The following STYXL2 variants were observed in gnomAD, a reference collection of about 807,000 sequenced individuals.
STYXL2 encodes the protein serine/threonine/tyrosine-interacting-like protein 2.
Under a neutral mutation model 52.4 loss-of-function variants are expected in STYXL2, and 44 were observed. That is an observed-to-expected ratio of 0.84 (90% CI 0.66 to 1.08). The LOEUF is 1.08. STYXL2 is among the 50% of genes least tolerant of loss of function. The pLI is 0.00. For missense variants in STYXL2, 1,604 were observed against 1,471.7 expected, an observed-to-expected ratio of 1.09 and a Z score of -1.47; for synonymous variants, 604 against 586.9, an observed-to-expected ratio of 1.03 and a Z score of -0.42.
In STYXL2 at chr1:167,128,559, G is replaced by C; in HGVS notation, c.3428G>C (p.Arg1143Pro). Reference sequence around the variant, plus strand: ...GAAGCCATCATTGCTGCTTGGAGACGCCGGCAAGAAGAAACCAGGACCAAG... The same window carrying C: ...GAAGCCATCATTGCTGCTTGGAGACCCCGGCAAGAAGAAACCAGGACCAAG... ...DDEAIIAAWR[R>P]RQEETRTKLQ... Residue 1143 changes from arginine (R) to proline (P), a missense_variant, in exon 6 of 6, where the codon CGC becomes CCC. By Grantham distance (103) the Arg-to-Pro change is moderately radical. Coordinates refer to ENST00000361200, the MANE Select transcript of STYXL2 (RefSeq NM_001080426.3). 6.2e-7 allele frequency: 1 copy of C among 1,613,618 alleles called. No individual in the cohort carries two copies. Among genetic ancestry groups the C allele is most frequent in the Non-Finnish European group, 8.5e-7 (1 of 1,179,938 alleles).
At position 167,094,972 on chromosome 1, in the gene STYXL2, T is replaced by C; in HGVS notation, c.110+13T>C. The C allele has an allele frequency of 6.3e-7, 1 of 1,580,514 alleles. No homozygotes were observed. Among genetic ancestry groups the C allele is most frequent in the Non-Finnish European group, 8.6e-7 (1 of 1,160,260 alleles). ...CCTCCCCTAGCCAGTAAGTGACCAC[T>C]TATCTCCCACCCTCACAGCCCCAGC... On this transcript the variant is annotated intron_variant, in intron 2 of 5. Coordinates refer to ENST00000361200, the MANE Select transcript of STYXL2 (RefSeq NM_001080426.3).
intron 2 of STYXL2, among the ~76,000 whole-genome samples, chr1:167,100,326 C>T (rs1212050774): frequency 6.6e-6 from 1 of 152,176 alleles, no homozygotes; most frequent in Non-Finnish European, 1.5e-5. Flanking sequence ...GACCAAGCCT[C>T]AACATGAGTT....
chr1:167,121,048 G>C (rs949803900), intron 5 of STYXL2, among the ~76,000 whole-genome samples: 1 of 142,158 alleles, frequency 7.0e-6, no homozygotes, highest in African/African-American at 2.7e-5. Context: ...TCTCGCTCTT[G>C]TCGCCCAGTC....
chr1:167,126,100 C>T lies in STYXL2; in HGVS notation c.969C>T (p.His323=), dbSNP rs1410597048. Residue 323 remains histidine, a synonymous_variant, in exon 6 of 6, where the codon CAC becomes CAT. Transcript: ENST00000361200. ...TVEEEDDSAS[H]LSGSSLGKAT... The stretch of plus-strand genomic sequence containing the variant: ...AAGAGGAGGACGACAGCGCCAGCCA[C>T]CTGAGTGGCTCCTCCCTGGGGAAGG... 1.3e-6 allele frequency: 2 copies of T among 1,521,846 alleles called. No individual in the cohort carries two copies. Among genetic ancestry groups the T allele is most frequent in the Non-Finnish European group, 1.8e-6 (2 of 1,137,044 alleles). The allele number at this position is 1,521,846 out of a possible 1,614,324, so 94.3% of individuals were successfully genotyped here.
chr1:167,100,888 A>G (rs888687469), intron 2 of STYXL2, among the ~76,000 whole-genome samples: 20 of 152,226 alleles, frequency 1.3e-4, no homozygotes, highest in African/African-American at 4.8e-4. Flanking sequence ...TCTTCCCACA[A>G]TGGCCTCATA....
rs1445893924 is a variant in STYXL2 at position 167,101,806 on chromosome 1, AG to A, written c.110+6848del. Among the ~76,000 whole-genome samples, 13 of 151,684 alleles carry A rather than the reference AG, an allele frequency of 8.6e-5. 1 individual carries two copies. Among genetic ancestry groups the A allele is most frequent in the Non-Finnish European group, 1.2e-4 (8 of 67,876 alleles). ...ACAGAGTGACAGTCCATCTCAAAAAAGAAAAAAAAAAGCCTATGTCTATGCA... is the reference window on the plus strand; with the variant it reads ...ACAGAGTGACAGTCCATCTCAAAAAAAAAAAAAAAAGCCTATGTCTATGCA... On this transcript the variant is annotated intron_variant, in intron 2 of 5. Transcript: ENST00000361200.
chr1:167,126,895 C>T lies in STYXL2; in HGVS notation c.1764C>T (p.Ala588=). The change falls in exon 6 of 6, where the codon GCC becomes GCT. Residue 588 remains alanine (A), a synonymous_variant. Transcript: ENST00000361200. ...ACCCCTCCGACGTCAGCCTGACAGC[C>T]TACCAGGCCTGGAAGCTGAAACACC... is the stretch of plus-strand genomic sequence containing the variant. ...EKNPSDVSLT[A]YQAWKLKHQK... is the part of the protein sequence containing the mutation. The T allele has an allele frequency of 6.2e-7, 1 of 1,612,142 alleles. No individual in the cohort carries two copies. The highest frequency in any genetic ancestry group is 1.1e-5 in the South Asian group (1 of 90,714).
chr1:167,124,515 A>G (rs1218771729), intron 5 of STYXL2, among the ~76,000 whole-genome samples: 13 of 152,166 alleles, frequency 8.5e-5, no homozygotes, highest in Admixed American at 6.5e-4. Context: ...AGCTATTACA[A>G]TGAAGGCATA....
chr1:167,111,513 TACAC>T (rs767623370), intron 2 of STYXL2, among the ~76,000 whole-genome samples: 1,246 of 49,128 alleles, frequency 0.025, 20 homozygotes, highest in Non-Finnish European at 0.026. Context: ...TATATATATA[TACAC>T]ACACACACAC....
At chr1:167,095,994 TC>T (rs1667278639) in intron 2 of STYXL2, among the ~76,000 whole-genome samples, 1 of 152,118 alleles carries the variant, frequency 6.6e-6, no homozygotes, top group African/African-American at 2.4e-5. Flanking sequence ...TAGAGACTTC[TC>T]CTTTAAAATT....
intron 2 of STYXL2, among the ~76,000 whole-genome samples, chr1:167,109,225 G>A (rs892747632): frequency 1.3e-5 from 2 of 152,224 alleles, no homozygotes; most frequent in Non-Finnish European, 2.9e-5. Context: ...AGCCACCACA[G>A]TGGGGTAGTG....
intron 3 of STYXL2, among the ~76,000 whole-genome samples, chr1:167,114,428 G>A (rs1026579337): frequency 4.6e-5 from 7 of 152,152 alleles, no homozygotes; most frequent in Admixed American, 4.6e-4. Context: ...TCCCTGGGTA[G>A]CCTCACAACT....
chr1:167,113,603 G>A (rs576671823), intron 2 of STYXL2, 107 bp from the exon 3 acceptor site: 135 of 846,750 alleles, frequency 1.6e-4, no homozygotes, highest in Admixed American at 1.1e-3. Flanking sequence ...TTGATCACTC[G>A]TTGTTCCCCA....
intron 2 of STYXL2, among the ~76,000 whole-genome samples, chr1:167,099,354 A>G (rs547343816): frequency 1.3e-5 from 2 of 152,366 alleles, no homozygotes; most frequent in South Asian, 4.1e-4. Flanking sequence ...AATTAACCTA[A>G]TGAGCATTTA....
Position 167,129,042 on chromosome 1 carries a change from C to A in STYXL2, c.*434C>A. The A allele has an allele frequency of 6.4e-6, 1 of 155,536 alleles. No individual in the cohort carries two copies. The highest frequency in any genetic ancestry group is 6.3e-5 in the Admixed American group (1 of 16,000). The allele number at this position is 155,536 out of a possible 1,614,324, so 9.6% of individuals were successfully genotyped here. A position where few individuals can be genotyped will look rare whatever the true frequency, so the allele number is the denominator to read the frequency against. ...GAGACCCAGAAAGTCTATCCTATGG[C>A]AAGTCTGACCTCTCCTGGCAATGCT... On this transcript the variant is annotated 3_prime_UTR_variant, in exon 6 of 6. Coordinates refer to ENST00000361200, the MANE Select transcript of STYXL2 (RefSeq NM_001080426.3).
intron 2 of STYXL2, among the ~76,000 whole-genome samples, chr1:167,097,454 C>T (rs957401837): frequency 5.3e-5 from 8 of 152,064 alleles, no homozygotes; most frequent in African/African-American, 7.2e-5. Context: ...TTTTTGTCTC[C>T]GTTTAATGAT....
intron 2 of STYXL2, among the ~76,000 whole-genome samples, chr1:167,098,302 C>A (rs73031126): frequency 0.045 from 6,860 of 152,106 alleles, 172 homozygotes; most frequent in African/African-American, 0.063. Flanking sequence ...AGCCACCACG[C>A]CCGGCCCAAA....
chr1:167,113,748 T>C lies in STYXL2; in HGVS notation c.149T>C (p.Phe50Ser). The change falls in exon 3 of 6, where the codon TTC (phenylalanine) becomes TCC (serine). Residue 50 changes from phenylalanine to serine, a missense_variant. Transcript: ENST00000361200. ...MVSDAETESI[F>S]MEPIHLSSAI... is the part of the protein sequence containing the mutation. The stretch of plus-strand genomic sequence containing the variant: ...TCAGATGCAGAAACAGAAAGCATTT[T>C]CATGGAACCCATTCACCTCTCCTCA... 1 of 1,614,140 alleles carries C rather than the reference T, an allele frequency of 6.2e-7. No individual in the cohort carries two copies. The highest frequency in any genetic ancestry group is 8.5e-7 in the Non-Finnish European group (1 of 1,179,976).
Position 167,126,302 on chromosome 1 carries a change from A to G in STYXL2, c.1171A>G (p.Arg391Gly). The change falls in exon 6 of 6, where the codon AGG becomes GGG. Residue 391 changes from arginine to glycine, a missense_variant. Arg to Gly is a moderately radical substitution (Grantham distance 125). Coordinates refer to ENST00000361200, the MANE Select transcript of STYXL2 (RefSeq NM_001080426.3). The stretch of plus-strand genomic sequence containing the variant: ...GGAGCTCGAGGACGAGGACGTGGAG[A>G]GGATCATCCAGGAGTGGCAGAGCCG... Reference protein sequence around the residue: ...GEELEDEDVERIIQEWQSRNE... With the variant: ...GEELEDEDVEGIIQEWQSRNE... The G allele has an allele frequency of 6.6e-7, 1 of 1,522,788 alleles. No homozygotes were observed. Among genetic ancestry groups the G allele is most frequent in the Non-Finnish European group, 8.8e-7 (1 of 1,133,740 alleles). The allele number at this position is 1,522,788 out of a possible 1,614,324, so 94.3% of individuals were successfully genotyped here. A position where few individuals can be genotyped will look rare whatever the true frequency, so the allele number is the denominator to read the frequency against.
Sources: allele counts gnomAD v4.1 joint callset (sites outside exome capture counted in the v4.1 genomes callset), GRCh38; gene constraint gnomAD v4.1.1; transcripts MANE v1.5; gene names NCBI Gene and HGNC (gene_info 2026-07-23, HGNC 2026-07-21).